Variants in AKAP7 observed in about 807,000 individuals in gnomAD.
AKAP7 encodes A kinase (PRKA) anchor protein 7.
AKAP7 carries 39 observed loss-of-function variants against 39.5 expected under a neutral mutation model. The observed-to-expected ratio is 0.99, with a 90% CI of 0.76 to 1.29. AKAP7 has a LOEUF of 1.29. Among genes scored for constraint, AKAP7 ranks in the 50% most tolerant of loss-of-function variants. The probability of loss-of-function intolerance (pLI) is 0.00; values close to 1 mark genes in which losing one functional copy is unlikely to be tolerated. For synonymous variants in AKAP7, 140 were observed against 139.1 expected, an observed-to-expected ratio of 1.01 and a Z score of -0.05; for missense variants, 414 against 407.7, an observed-to-expected ratio of 1.02 and a Z score of -0.13.
chr6:131,271,703 A>C (rs1236572851), intron 7 of AKAP7, among the ~76,000 whole-genome samples: 2 of 152,142 alleles, frequency 1.3e-5, no homozygotes, highest in African/African-American at 4.8e-5. Flanking sequence ...AGCACTTTAC[A>C]AATTACAAAT....
chr6:131,276,564 A>G (rs1293199294), intron 7 of AKAP7, among the ~76,000 whole-genome samples: 1 of 152,128 alleles, frequency 6.6e-6, no homozygotes, highest in African/African-American at 2.4e-5. Flanking sequence ...TTAAAAAAAA[A>G]AAATCCACTT....
chr6:131,189,347 G>T (rs960765300), intron 5 of AKAP7, among the ~76,000 whole-genome samples: 1 of 152,080 alleles, frequency 6.6e-6, no homozygotes, highest in African/African-American at 2.4e-5. Flanking sequence ...ATTCCTTTTA[G>T]CATTCTAGAC....
chr6:131,156,196 G>T (rs1802403986), intron 2 of AKAP7, among the ~76,000 whole-genome samples: 1 of 152,104 alleles, frequency 6.6e-6, no homozygotes, highest in Admixed American at 6.5e-5. Context: ...ATCCTGTGTT[G>T]CTTGGGGTTA....
chr6:131,282,346 A>C lies in AKAP7; in HGVS notation c.*620A>C. Reference sequence around the variant, plus strand: ...AGTTTTTTTAAAATCCTATTTTGATAAGTCAGTATGCCATATTTAATGAAA... The same window carrying C: ...AGTTTTTTTAAAATCCTATTTTGATCAGTCAGTATGCCATATTTAATGAAA... On this transcript the variant is annotated 3_prime_UTR_variant, in exon 8 of 8. Coordinates refer to ENST00000431975, the MANE Select transcript of AKAP7 (RefSeq NM_016377.4). 7.3e-7 allele frequency: 1 copy of C among 1,376,310 alleles called. No homozygotes were observed. The highest frequency in any genetic ancestry group is 1.9e-5 in the South Asian group (1 of 53,600). 85.3% of individuals were successfully genotyped at this position (1,376,310 alleles called of 1,614,324 possible). A position where few individuals can be genotyped will look rare whatever the true frequency, so the allele number is the denominator to read the frequency against.
intron 7 of AKAP7, among the ~76,000 whole-genome samples, chr6:131,251,543 C>A (rs1382033965): frequency 6.7e-6 from 1 of 148,182 alleles, no homozygotes; most frequent in Non-Finnish European, 1.5e-5. Context: ...GCTGCTTGTT[C>A]TTCAGGAAAC....
rs1251121705 is a variant in AKAP7 at position 131,182,396 on chromosome 6, T to C, written c.589+13123T>C. ...TAGCTGCCTCATAGAAGTGAAATCA[T>C]GTAGTATTTATCTTTTTGTGACTGG... On this transcript the variant is annotated intron_variant, in intron 5 of 7. Coordinates refer to ENST00000431975, the MANE Select transcript of AKAP7 (RefSeq NM_016377.4). Among the ~76,000 whole-genome samples the C allele has an allele frequency of 2.4e-4, 36 of 152,230 alleles. 1 individual carries two copies. The highest frequency in any genetic ancestry group is 8.8e-5 in the Non-Finnish European group (6 of 68,034).
intron 6 of AKAP7, among the ~76,000 whole-genome samples, chr6:131,201,241 A>G (rs1409185393): frequency 6.6e-6 from 1 of 152,114 alleles, no homozygotes; most frequent in African/African-American, 2.4e-5. Context: ...AGTCATTTCT[A>G]CGTGTAAGGA....
At chr6:131,196,043 C>T (rs1177629212) in intron 5 of AKAP7, among the ~76,000 whole-genome samples, 1 of 152,110 alleles carries the variant, frequency 6.6e-6, no homozygotes, top group Non-Finnish European at 1.5e-5. Flanking sequence ...TCTACCCCTA[C>T]CGCTTTCTCT....
chr6:131,222,225 A>G (rs777894762), intron 7 of AKAP7, among the ~76,000 whole-genome samples: 1 of 152,166 alleles, frequency 6.6e-6, no homozygotes, highest in Non-Finnish European at 1.5e-5. Flanking sequence ...TGCAGATGTG[A>G]TAGAAACAGC....
chr6:131,129,852 A>C, the AKAP7 span, among the ~76,000 whole-genome samples: 136 of 152,360 alleles, frequency 8.9e-4, 3 homozygotes, highest in Non-Finnish European at 7.9e-4. Context: ...GTAGAACTGC[A>C]TGATGTCATC....
intron 7 of AKAP7, among the ~76,000 whole-genome samples, chr6:131,274,023 TTTTC>T (rs1814536187): frequency 6.6e-6 from 1 of 151,992 alleles, no homozygotes; most frequent in Non-Finnish European, 1.5e-5. Context: ...CACCTTTTCT[TTTTC>T]TTTTAGTACT....
chr6:131,229,330 A>G (rs1034958507), intron 7 of AKAP7, among the ~76,000 whole-genome samples: 3 of 151,866 alleles, frequency 2.0e-5, no homozygotes, highest in African/African-American at 7.3e-5. Flanking sequence ...AATGAACTTC[A>G]TTTTCCCAGT....
At chr6:131,163,858 TG>T (rs796526322) in intron 3 of AKAP7, among the ~76,000 whole-genome samples, 88 of 151,812 alleles carry the variant, frequency 5.8e-4, no homozygotes, top group African/African-American at 2.0e-3. Flanking sequence ...ACACCAAGGG[TG>T]GGGGATTTCT....
In AKAP7 at chr6:131,145,390, C is replaced by G; in HGVS notation, c.125C>G (p.Thr42Ser). The G allele has an allele frequency of 6.4e-7, 1 of 1,550,566 alleles. No homozygotes were observed. Among genetic ancestry groups the G allele is most frequent in the Non-Finnish European group, 8.7e-7 (1 of 1,147,606 alleles). Residue 42 changes from threonine to serine, a missense_variant, in exon 2 of 8, where the codon ACT becomes AGT. Physicochemically the swap from Thr to Ser is moderately conservative, Grantham distance 58. Transcript: ENST00000431975. ...TCTCTGGTAGACATGCCATTTGCTA[C>G]TGTAGATATTCAGGATGACTGTGGA... Reference protein sequence around the residue: ...MDSLVDMPFATVDIQDDCGIT... With the variant: ...MDSLVDMPFASVDIQDDCGIT...
intron 4 of AKAP7, among the ~76,000 whole-genome samples, chr6:131,168,456 G>T (rs1803713960): frequency 6.6e-6 from 1 of 152,088 alleles, no homozygotes; most frequent in South Asian, 2.1e-4. Context: ...GAGAGAGAGA[G>T]AGAGAGAGGG....
intron 7 of AKAP7, among the ~76,000 whole-genome samples, chr6:131,270,505 A>G (rs969284861): frequency 3.3e-5 from 5 of 152,210 alleles, no homozygotes; most frequent in African/African-American, 1.2e-4. Context: ...TGGGATAATT[A>G]TGAATAAAGC....
upstream of AKAP7, among the ~76,000 whole-genome samples, chr6:131,134,048 T>G (rs953509580): frequency 6.6e-6 from 1 of 152,200 alleles, no homozygotes; most frequent in African/African-American, 2.4e-5. Context: ...CTCAGCTCAC[T>G]GCAACCTCCA....
chr6:131,144,237 C>T (rs1274647071), intron 1 of AKAP7, among the ~76,000 whole-genome samples: 4 of 151,334 alleles, frequency 2.6e-5, no homozygotes, highest in South Asian at 2.1e-4. Context: ...TCCACAAAAC[C>T]GCCATTGTCA....
At chr6:131,157,957 G>A (rs1378801599) in intron 2 of AKAP7, among the ~76,000 whole-genome samples, 2 of 152,106 alleles carry the variant, frequency 1.3e-5, no homozygotes, top group African/African-American at 4.8e-5. Flanking sequence ...ACCCCATTTT[G>A]TAGGTCTTAC....
Sources: gnomAD v4.1 joint callset for allele counts (sites outside exome capture counted in the v4.1 genomes callset) on GRCh38, gnomAD v4.1.1 for gene constraint, MANE v1.5 for transcripts, NCBI Gene and HGNC (gene_info 2026-07-23, HGNC 2026-07-21) for gene names.